TUT7: variants seen among roughly 807,000 people sequenced by gnomAD.
TUT7 encodes the protein terminal uridylyl transferase 7, also known as terminal uridylyltransferase 7.
Under a neutral mutation model 165.9 loss-of-function variants are expected in TUT7, and 33 were observed. That is an observed-to-expected ratio of 0.20 (90% CI 0.15 to 0.27). The LOEUF (loss-of-function observed/expected upper bound fraction) is 0.27. TUT7 is among the 10% of genes least tolerant of loss of function. TUT7 has a pLI of 1.00. For missense variants in TUT7, 1,338 were observed against 1,762.3 expected (o/e 0.76, Z 4.31); for synonymous variants, 552 against 608.1 (o/e 0.91, Z 1.36).
intron 20 of TUT7, 46 bp downstream of exon 20, chr9:86,309,417 G>A (rs1364425622): frequency 6.5e-7 from 1 of 1,536,360 alleles, no homozygotes; most frequent in Non-Finnish European, 8.9e-7. Context: ...AAGGCTCAGA[G>A]ATCACCAGTT....
At chr9:86,289,206 A>G (rs1464516870) in intron 26 of TUT7, among the ~76,000 whole-genome samples, 1 of 152,234 alleles carries the variant, frequency 6.6e-6, no homozygotes, top group East Asian at 1.9e-4. Flanking sequence ...AAAAAGGGAA[A>G]TTTATTATAT....
At chr9:86,299,545 A>T (rs1015674998) in intron 26 of TUT7, among the ~76,000 whole-genome samples, 3 of 152,170 alleles carry the variant, frequency 2.0e-5, no homozygotes, top group African/African-American at 4.8e-5. Context: ...AAATATGATG[A>T]CTACTAACTT....
chr9:86,333,695 C>T (rs1250339946), intron 10 of TUT7, among the ~76,000 whole-genome samples: 1 of 152,196 alleles, frequency 6.6e-6, no homozygotes, highest in Non-Finnish European at 1.5e-5. Flanking sequence ...ACAATTTCAA[C>T]ATTTGTCATA....
Position 86,323,477 on chromosome 9 carries a change from T to A in TUT7, c.2273A>T (p.Lys758Met). 1 of 1,614,260 alleles carries A rather than the reference T, an allele frequency of 6.2e-7. No individual in the cohort carries two copies. Among genetic ancestry groups the A allele is most frequent in the Non-Finnish European group, 8.5e-7 (1 of 1,180,046 alleles). ...RKNEKEKVGR[K>M]GKHLLTVDQK... is the part of the protein sequence containing the mutation. ...ATCAACAGTCAACAGATGCTTGCCC[T>A]TCCTTCCAACTTTCTCTTTCTCGTT... Residue 758 changes from lysine (K) to methionine (M), a missense_variant, in exon 13 of 27, where the codon AAG (lysine) becomes ATG (methionine). Around this residue, in one of 7 missense-constraint regions of TUT7, gnomAD observed 425 missense variants for 474.9 expected, o/e 0.89. Coordinates refer to ENST00000375963, the MANE Select transcript of TUT7 (RefSeq NM_024617.4).
intron 8 of TUT7, among the ~76,000 whole-genome samples, chr9:86,339,449 C>T (rs527917072): frequency 3.9e-5 from 6 of 152,164 alleles, no homozygotes; most frequent in Middle Eastern, 3.4e-3. Context: ...ACCCAGGAGG[C>T]GGAGGTTGCA....
At chr9:86,319,957 C>T (rs1056989380) in intron 14 of TUT7, among the ~76,000 whole-genome samples, 5 of 152,218 alleles carry the variant, frequency 3.3e-5, no homozygotes, top group East Asian at 3.9e-4. Context: ...CTCAGCCTCC[C>T]GAGTAGCTGG....
chr9:86,330,259 A>G (rs957665515), intron 10 of TUT7, among the ~76,000 whole-genome samples: 1 of 151,978 alleles, frequency 6.6e-6, no homozygotes, highest in African/African-American at 2.4e-5. Flanking sequence ...ATGGAGTTTC[A>G]CCACGTTGGC....
intron 2 of TUT7, among the ~76,000 whole-genome samples, chr9:86,348,804 A>C (rs1341639654): frequency 6.6e-6 from 1 of 152,086 alleles, no homozygotes; most frequent in African/African-American, 2.4e-5. Flanking sequence ...CCTTCTAACT[A>C]ACAACATAAA....
chr9:86,292,732 C>T (rs947935787), intron 26 of TUT7, among the ~76,000 whole-genome samples: 2 of 151,772 alleles, frequency 1.3e-5, no homozygotes, highest in Non-Finnish European at 2.9e-5. Flanking sequence ...TATGATTGTG[C>T]CACTGCACTC....
chr9:86,353,130 A>C lies in TUT7; in HGVS notation c.70T>G (p.Phe24Val). ...KDRGTMDDDD[F>V]RRGHPQQDYL... ...TCTTGTTGGGGGTGACCCCTTCTGA[A>C]GTCATCATCATCCATAGTCCCCCGG... The change falls in exon 2 of 27, where the codon TTC becomes GTC. Residue 24 changes from phenylalanine (F) to valine (V), a missense_variant. Around this residue, in one of 7 missense-constraint regions of TUT7, gnomAD observed 434 missense variants for 480.8 expected, o/e 0.90. Coordinates refer to ENST00000375963, the MANE Select transcript of TUT7 (RefSeq NM_024617.4). The C allele has an allele frequency of 6.2e-7, 1 of 1,612,388 alleles. No individual in the cohort carries two copies. The highest frequency in any genetic ancestry group is 8.5e-7 in the Non-Finnish European group (1 of 1,179,704).
At chr9:86,303,613 GAAA>G (rs1355546263) in intron 24 of TUT7, among the ~76,000 whole-genome samples, 1 of 151,734 alleles carries the variant, frequency 6.6e-6, no homozygotes, top group Non-Finnish European at 1.5e-5. Context: ...TTGAAGAAAA[GAAA>G]AAAAACTATG....
rs988379611 is a variant in TUT7, at chr9:86,298,646, G to A, written c.4420+2630C>T. 3 of 327,208 alleles carry A rather than the reference G, an allele frequency of 9.2e-6. No individual in the cohort carries two copies. In the South Asian group the frequency reaches 3.7e-4, roughly 40 times the overall value. The allele number at this position is 327,208 out of a possible 1,614,324, so 20.3% of individuals were successfully genotyped here. A position where few individuals can be genotyped will look rare whatever the true frequency, so the allele number is the denominator to read the frequency against. On this transcript the variant is annotated intron_variant, in intron 26 of 26. Transcript: ENST00000375963. ...ACTATATGTTTTAAAGTTCCCCCAA[G>A]TGATTCTGATGTCCAATCCCTGTTA...
chr9:86,353,828 A>C (rs1281717905), intron 1 of TUT7, among the ~76,000 whole-genome samples: 1 of 152,200 alleles, frequency 6.6e-6, no homozygotes, highest in African/African-American at 2.4e-5. Flanking sequence ...GTTTCCGATC[A>C]AGGGACAACT....
Position 86,353,536 on chromosome 9 carries a change from T to C in TUT7, c.-31-306A>G, listed in dbSNP as rs147549054. 7.9e-3 allele frequency among the ~76,000 whole-genome samples: 1,205 copies of C among 152,324 alleles called. 21 individuals are homozygous for C. The highest frequency in any genetic ancestry group is 0.028 in the African/African-American group (1,159 of 41,562). ...ATAGTAGAATATTACTCATATCAAG[T>C]ATGGTCGGCTTTTCCCTCTGTAACA... On this transcript the variant is annotated intron_variant, in intron 1 of 26. Transcript: ENST00000375963.
chr9:86,346,426 T>C lies in TUT7; in HGVS notation c.575A>G (p.Glu192Gly). The C allele has an allele frequency of 6.2e-7, 1 of 1,614,124 alleles. No individual in the cohort carries two copies. Among genetic ancestry groups the C allele is most frequent in the East Asian group, 2.2e-5 (1 of 44,878 alleles). Residue 192 changes from glutamate (E) to glycine (G), a missense_variant, in exon 3 of 27, where the codon GAA (glutamate) becomes GGA (glycine). Physicochemically the swap from Glu to Gly is moderately conservative, Grantham distance 98. Coordinates refer to ENST00000375963, the MANE Select transcript of TUT7 (RefSeq NM_024617.4). ...TTCCAAGTCTCCATCCTGCTCATTT[T>C]CCTCATTTCTAGTCTTCCGTGGCTT... ...PRKPRKTRNE[E>G]NEQDGDLEGP...
chr9:86,296,471 G>C (rs1221023696), intron 26 of TUT7, among the ~76,000 whole-genome samples: 1 of 152,184 alleles, frequency 6.6e-6, no homozygotes, highest in African/African-American at 2.4e-5. Context: ...CGAAGAGCAA[G>C]GACATTCATG....
rs778999776 is a variant in TUT7, at chr9:86,323,913, G to C, written c.1837C>G (p.Pro613Ala). The change falls in exon 13 of 27, where the codon CCT becomes GCT. Residue 613 changes from proline to alanine, a missense_variant. This residue lies in a region of TUT7 where 425 missense variants were observed against 474.9 expected (regional missense o/e 0.89). Coordinates refer to ENST00000375963, the MANE Select transcript of TUT7 (RefSeq NM_024617.4). The stretch of plus-strand genomic sequence containing the variant: ...CAATGAAGTATATATTCAAACACAG[G>C]TTGACTATTTAGGGTTCTTGCCACA... ...RNVARTLNSQ[P>A]VFEYILHCLR... The C allele has an allele frequency of 6.2e-6, 10 of 1,608,714 alleles. No homozygotes were observed. Among genetic ancestry groups the C allele is most frequent in the Non-Finnish European group, 7.7e-6 (9 of 1,176,270 alleles).
chr9:86,336,127 A>C (rs776206965), intron 10 of TUT7, among the ~76,000 whole-genome samples: 8 of 152,206 alleles, frequency 5.3e-5, no homozygotes, highest in Non-Finnish European at 1.0e-4. Context: ...GTAAGATGGT[A>C]GTGAGCAAGG....
Position 86,352,939 on chromosome 9 carries a change from G to A in TUT7, c.261C>T (p.Pro87=), listed in dbSNP as rs776678705. Residue 87 remains proline, a synonymous_variant, in exon 2 of 27, where the codon CCC becomes CCT. Coordinates refer to ENST00000375963, the MANE Select transcript of TUT7 (RefSeq NM_024617.4). ...YAFKNPIYSQ[P]AWMNDSHKDQ... ...CTTTGTGGCTGTCATTCATCCAAGC[G>A]GGTTGACTGTAGATTGGGTTTTTAA... 4 of 1,614,024 alleles carry A rather than the reference G, an allele frequency of 2.5e-6. No individual in the cohort carries two copies. Among genetic ancestry groups the A allele is most frequent in the South Asian group, 2.2e-5 (2 of 91,080 alleles).
Sources: allele counts gnomAD v4.1 joint callset (sites outside exome capture counted in the v4.1 genomes callset), GRCh38; gene constraint gnomAD v4.1.1; regional missense constraint gnomAD v4.1.1; transcripts MANE v1.5; gene names NCBI Gene and HGNC (gene_info 2026-07-23, HGNC 2026-07-21).